The following AGAP1 variants were observed in gnomAD, a reference collection of about 807,000 sequenced individuals.
AGAP1 encodes the protein ArfGAP with GTPase domain, ankyrin repeat and PH domain 1.
A neutral mutation model predicts 105.3 loss-of-function variants in AGAP1; 29 were observed. That is an observed-to-expected ratio of 0.28 (90% confidence interval 0.21 to 0.38). AGAP1 has a LOEUF of 0.38. Ranked by LOEUF, AGAP1 falls within the 10% of genes least tolerant of loss-of-function variation. The pLI, the probability that AGAP1 is intolerant of heterozygous loss-of-function variation, is 1.00. For missense variants in AGAP1, 998 were observed against 1,165.1 expected, an observed-to-expected ratio of 0.86 and a Z score of 2.09; for synonymous variants, 509 against 485.9, an observed-to-expected ratio of 1.05 and a Z score of -0.63.
chr2:236,038,431 C>G lies in AGAP1; in HGVS notation c.1800+1716C>G, dbSNP rs1054495339. ...TGGTGGCAGCCTTTCCCATTCCACA[C>G]CTTGCCAGGCTCCTCCTGACTCGTG... On this transcript the variant is annotated intron_variant, in intron 14 of 17. Transcript: ENST00000304032. The surrounding 1 kb of genome is among the most constrained non-coding windows in gnomAD (Gnocchi z 4.5). Among the ~76,000 whole-genome samples the G allele has an allele frequency of 1.2e-4, 18 of 152,218 alleles. No homozygotes were observed. Among genetic ancestry groups the G allele is most frequent in the Non-Finnish European group, 2.5e-4 (17 of 68,026 alleles).
Position 235,600,752 on chromosome 2 carries a change from A to T in AGAP1, c.163+105903A>T, listed in dbSNP as rs1036494747. On this transcript the variant is annotated intron_variant, in intron 1 of 17. Coordinates refer to ENST00000304032, the MANE Select transcript of AGAP1 (RefSeq NM_001037131.3). The surrounding 1 kb of genome is among the most constrained non-coding windows in gnomAD (Gnocchi z 4.8). ...ATATTTGCTGGCAGCTGATTAAATG[A>T]TGCCCACCCAGATTGAGGGTGGGTC... is the stretch of plus-strand genomic sequence containing the variant. Among the ~76,000 whole-genome samples, 4 of 152,128 alleles carry T rather than the reference A, an allele frequency of 2.6e-5. No homozygotes were observed.
intron 1 of AGAP1, among the ~76,000 whole-genome samples, chr2:235,667,378 G>A (rs549539846): frequency 6.6e-6 from 1 of 152,224 alleles, no homozygotes; most frequent in South Asian, 2.1e-4. Context: ...CATTTGATTT[G>A]TGTGGAGTTC....
chr2:235,495,647 G>A (rs774049269), intron 1 of AGAP1, among the ~76,000 whole-genome samples: 1 of 152,252 alleles, frequency 6.6e-6, no homozygotes, highest in Admixed American at 6.5e-5. Context: ...TGGCCTTCCA[G>A]GAGAGCTACA....
At position 235,609,760 on chromosome 2, in the gene AGAP1, C is replaced by T. The variant is rs1171346004; in HGVS notation, c.164-99419C>T. 2.0e-5 allele frequency among the ~76,000 whole-genome samples: 3 copies of T among 152,038 alleles called. No individual in the cohort carries two copies. Among genetic ancestry groups the T allele is most frequent in the African/African-American group, 7.2e-5 (3 of 41,398 alleles). ...TGCTGTGGCTCAGAAGTTATGTGGC[C>T]ACTTTCACTCCCAACTCACAGGCCA... On this transcript the variant is annotated intron_variant, in intron 1 of 17. Transcript: ENST00000304032. This position sits in a 1 kb window ranked among gnomAD's most constrained non-coding sequence, Gnocchi z 5.1.
At chr2:235,503,466 T>C (rs1472595329) in intron 1 of AGAP1, among the ~76,000 whole-genome samples, 3 of 152,170 alleles carry the variant, frequency 2.0e-5, no homozygotes, top group Non-Finnish European at 2.9e-5. Flanking sequence ...GGGAACAGCA[T>C]TGTGTTAATT....
chr2:235,767,417 G>C (rs1313979818), intron 6 of AGAP1, among the ~76,000 whole-genome samples: 1 of 152,208 alleles, frequency 6.6e-6, no homozygotes, highest in Non-Finnish European at 1.5e-5. Flanking sequence ...AGGCTCTGCG[G>C]GCTGGGGGTC....
chr2:235,864,632 G>C lies in AGAP1; in HGVS notation c.1051-18713G>C, dbSNP rs1424969648. 6.6e-6 allele frequency among the ~76,000 whole-genome samples: 1 copy of C among 152,146 alleles called. No individual in the cohort carries two copies. Among genetic ancestry groups the C allele is most frequent in the Admixed American group, 6.5e-5 (1 of 15,278 alleles). ...CCCTGGTGTCGTCCCTGAAAATCTT[G>C]TGACAGGGAGAGACAGAGTGAAAGG... is the stretch of plus-strand genomic sequence containing the variant. On this transcript the variant is annotated intron_variant, in intron 9 of 17. Coordinates refer to ENST00000304032, the MANE Select transcript of AGAP1 (RefSeq NM_001037131.3). The surrounding 1 kb of genome is among the most constrained non-coding windows in gnomAD (Gnocchi z 5.0).
rs1448120185 is a variant in AGAP1 at position 236,127,290 on chromosome 2, T to TCCTGGTC, written c.*3179_*3185dup. 1 of 152,172 alleles carries TCCTGGTC rather than the reference T, an allele frequency of 6.6e-6. No homozygotes were observed. The highest frequency in any genetic ancestry group is 2.4e-5 in the African/African-American group (1 of 41,436). The allele number at this position is 152,172 out of a possible 1,614,324, so 9.4% of individuals were successfully genotyped here. ...TGGTTTCCCCCGCCCAGCACCCCAGTCCTGGTCCCTGGTCCCTCTCTCTGT... is the reference window on the plus strand; with the variant it reads ...TGGTTTCCCCCGCCCAGCACCCCAGTCCTGGTCCCTGGTCCCTGGTCCCTCTCTCTGT... On this transcript the variant is annotated 3_prime_UTR_variant, in exon 18 of 18. Coordinates refer to ENST00000304032, the MANE Select transcript of AGAP1 (RefSeq NM_001037131.3). This position sits in a 1 kb window ranked among gnomAD's most constrained non-coding sequence, Gnocchi z 6.6.
chr2:235,772,356 C>G (rs1427407009), intron 6 of AGAP1, among the ~76,000 whole-genome samples: 1 of 152,196 alleles, frequency 6.6e-6, no homozygotes, highest in Non-Finnish European at 1.5e-5. Flanking sequence ...TGACAGACCA[C>G]ACTGAGAAAC....
rs149612860 is a variant in AGAP1, at chr2:235,644,044, C to T, written c.164-65135C>T. 1.5e-4 allele frequency among the ~76,000 whole-genome samples: 23 copies of T among 152,172 alleles called. No homozygotes were observed. The East Asian group carries it at 4.5e-3, about 30-fold the overall frequency. ...AGCAGAAAGATGGCTCCCCTGGCCACAAAGGGGGGTCAGTCTATTGCAAAG... is the reference window on the plus strand; with the variant it reads ...AGCAGAAAGATGGCTCCCCTGGCCATAAAGGGGGGTCAGTCTATTGCAAAG... On this transcript the variant is annotated intron_variant, in intron 1 of 17. Transcript: ENST00000304032.
Position 235,578,343 on chromosome 2 carries a change from C to T in AGAP1, c.163+83494C>T, listed in dbSNP as rs1944807129. 6.6e-6 allele frequency among the ~76,000 whole-genome samples: 1 copy of T among 152,162 alleles called. No individual in the cohort carries two copies. The highest frequency in any genetic ancestry group is 2.1e-4 in the South Asian group (1 of 4,826). ...CCACAATGCCTGTTCCCCTTACCTG[C>T]CCCCAGGTGTCCTGGGAGAAGTCAG... is the stretch of plus-strand genomic sequence containing the variant. On this transcript the variant is annotated intron_variant, in intron 1 of 17. Transcript: ENST00000304032. The surrounding 1 kb of genome is among the most constrained non-coding windows in gnomAD (Gnocchi z 4.9).
At position 236,123,410 on chromosome 2, in the gene AGAP1, AAAAT is replaced by A. The variant is rs1444750774; in HGVS notation, c.2371-507_2371-504del. Among the ~76,000 whole-genome samples, 1 of 152,222 alleles carries A rather than the reference AAAAT, an allele frequency of 6.6e-6. No individual in the cohort carries two copies. Among genetic ancestry groups the A allele is most frequent in the African/African-American group, 2.4e-5 (1 of 41,456 alleles). On this transcript the variant is annotated intron_variant, in intron 17 of 17. Transcript: ENST00000304032. The surrounding 1 kb of genome is among the most constrained non-coding windows in gnomAD (Gnocchi z 4.6). ...GTATAGTAATCAATAAAAAATGAAA[AAAAT>A]ACAAATTATTTGTACAGTCTTATCT...
chr2:235,802,777 TGTG>T (rs1559505459), intron 8 of AGAP1, among the ~76,000 whole-genome samples: 1 of 113,694 alleles, frequency 8.8e-6, no homozygotes, highest in Non-Finnish European at 1.8e-5. Context: ...TGATGATGGT[TGTG>T]GTTGTGATGG....
At chr2:235,708,313 G>T (rs139426724) in intron 1 of AGAP1, among the ~76,000 whole-genome samples, 1 of 152,190 alleles carries the variant, frequency 6.6e-6, no homozygotes, top group African/African-American at 2.4e-5. Flanking sequence ...GAGCTGCCAT[G>T]TGATCACCAG....
At chr2:236,071,131 G>A (rs955708204) in intron 16 of AGAP1, among the ~76,000 whole-genome samples, 31 of 152,226 alleles carry the variant, frequency 2.0e-4, no homozygotes, top group Admixed American at 6.5e-5. Context: ...CTGCCCAGTC[G>A]GGCTTGGAGG....
Position 236,024,045 on chromosome 2 carries a change from T to G in AGAP1, c.1646-12516T>G, listed in dbSNP as rs1233908136. On this transcript the variant is annotated intron_variant, in intron 13 of 17. Transcript: ENST00000304032. ...TGTTTTTTTTTTTTGTTTTTTTTTT[T>G]TTTTGGAGACAGTCTCACTTTGTCA... is the stretch of plus-strand genomic sequence containing the variant. Among the ~76,000 whole-genome samples the G allele has an allele frequency of 7.4e-5, 11 of 149,576 alleles. No individual in the cohort carries two copies. In the South Asian group the frequency reaches 1.1e-3, roughly 15 times the overall value.
At chr2:235,783,186 A>G (rs1956384317) in intron 6 of AGAP1, 2 of 340,080 alleles carry the variant, frequency 5.9e-6, no homozygotes. Context: ...AGTGTTTCTC[A>G]GGCTTTTCTT....
chr2:235,498,948 G>A (rs1423232224), intron 1 of AGAP1, among the ~76,000 whole-genome samples: 1 of 152,200 alleles, frequency 6.6e-6, no homozygotes, highest in Non-Finnish European at 1.5e-5. Flanking sequence ...GTGTTTGGGG[G>A]ACCTGGGAAG....
chr2:236,130,230 C>T lies in AGAP1; in HGVS notation c.*6108C>T, dbSNP rs1559307333. On this transcript the variant is annotated 3_prime_UTR_variant, in exon 18 of 18. Coordinates refer to ENST00000304032, the MANE Select transcript of AGAP1 (RefSeq NM_001037131.3). The surrounding 1 kb of genome is among the most constrained non-coding windows in gnomAD (Gnocchi z 5.8). ...TCATGAATGTGAGGAGAGGCTGGCT[C>T]AGGGCTTGGTTTTCATTTTGGCCTG... 1 of 152,178 alleles carries T rather than the reference C, an allele frequency of 6.6e-6. No individual in the cohort carries two copies. Among genetic ancestry groups the T allele is most frequent in the Non-Finnish European group, 1.5e-5 (1 of 68,074 alleles). The allele number at this position is 152,178 out of a possible 1,614,324, so 9.4% of individuals were successfully genotyped here. A position where few individuals can be genotyped will look rare whatever the true frequency, so the allele number is the denominator to read the frequency against.
Sources: allele counts gnomAD v4.1 joint callset (sites outside exome capture counted in the v4.1 genomes callset), GRCh38; gene constraint gnomAD v4.1.1; non-coding constraint Gnocchi (gnomAD v3.1); transcripts MANE v1.5; gene names NCBI Gene and HGNC (gene_info 2026-07-23, HGNC 2026-07-21).